The following FGR variants were observed in gnomAD, a reference collection of about 807,000 sequenced individuals.
The protein encoded by FGR is tyrosine-protein kinase Fgr.
A neutral mutation model predicts 63.2 loss-of-function variants in FGR; 26 were observed. That is an observed-to-expected ratio of 0.41 (90% CI 0.30 to 0.57). The LOEUF (loss-of-function observed/expected upper bound fraction) is 0.57, where lower values mean the gene tolerates loss of function less well. Ranked by LOEUF, FGR falls within the 20% of genes least tolerant of loss-of-function variation. The probability of loss-of-function intolerance (pLI) is 0.27; values close to 1 mark genes in which losing one functional copy is unlikely to be tolerated. For synonymous variants in FGR, 286 were observed against 277.7 expected (o/e 1.03, Z -0.30); for missense variants, 511 against 690.8 (o/e 0.74, Z 2.92).
At position 27,615,652 on chromosome 1, in the gene FGR, G is replaced by T; in HGVS notation, c.838+37C>A. 1 of 1,594,550 alleles carries T rather than the reference G, an allele frequency of 6.3e-7. No individual in the cohort carries two copies. The highest frequency in any genetic ancestry group is 8.6e-7 in the Non-Finnish European group (1 of 1,164,834). ...GTCTTGTCAGGACCCTCTCCCCCGAGCCCAGGCCCTCGTCCCGGCCCCCGG... is the reference window on the plus strand; with the variant it reads ...GTCTTGTCAGGACCCTCTCCCCCGATCCCAGGCCCTCGTCCCGGCCCCCGG... On this transcript the variant is annotated intron_variant, in intron 8 of 12. Coordinates refer to ENST00000374005, the MANE Select transcript of FGR (RefSeq NM_005248.3). This position sits in a 1 kb window ranked among gnomAD's most constrained non-coding sequence, Gnocchi z 7.6.
At chr1:27,620,841 T>G (rs2148527081) in intron 5 of FGR, among the ~76,000 whole-genome samples, 1 of 149,006 alleles carries the variant, frequency 6.7e-6, no homozygotes, top group Admixed American at 6.7e-5. Flanking sequence ...GCCTGGGCAA[T>G]ATGGCGAAAC....
intron 1 of FGR, among the ~76,000 whole-genome samples, chr1:27,632,128 C>T (rs2090114039): frequency 6.8e-6 from 1 of 147,842 alleles, no homozygotes; most frequent in African/African-American, 2.6e-5. Flanking sequence ...TGTTCTTCTT[C>T]TTCTTCTTCT....
intron 1 of FGR, among the ~76,000 whole-genome samples, chr1:27,632,488 T>C (rs2090119827): frequency 6.6e-6 from 1 of 152,102 alleles, no homozygotes; most frequent in Admixed American, 6.6e-5. Flanking sequence ...GCCTCGAAAC[T>C]GCCTCCTGAA....
chr1:27,630,255 G>A lies in FGR; in HGVS notation c.-77+4810C>T, dbSNP rs113243977. On this transcript the variant is annotated intron_variant, in intron 1 of 12. Coordinates refer to ENST00000374005, the MANE Select transcript of FGR (RefSeq NM_005248.3). ...TTTTGAGTAGAGACGGGGTTTCACC[G>A]TGTTAGCCCGGATGGTCTCGATCTC... Among the ~76,000 whole-genome samples, 326 of 152,166 alleles carry A rather than the reference G, an allele frequency of 2.1e-3. 1 individual carries two copies. Among genetic ancestry groups the A allele is most frequent in the Non-Finnish European group, 3.0e-3 (204 of 67,998 alleles).
chr1:27,616,970 G>T lies in FGR; in HGVS notation c.569C>A (p.Thr190Asn), dbSNP rs1428380626. 3.7e-6 allele frequency: 6 copies of T among 1,614,172 alleles called. No homozygotes were observed. The highest frequency in any genetic ancestry group is 4.2e-6 in the Non-Finnish European group (5 of 1,180,020). ...GTAATGCTTCACATGATCGCCTCTG[G>T]TCTGATCCCAGTCCCGGATGGACAG... Reference protein sequence around the residue: ...YSLSIRDWDQTRGDHVKHYKI... With the variant: ...YSLSIRDWDQNRGDHVKHYKI... The change falls in exon 7 of 13, where the codon ACC (threonine) becomes AAC (asparagine). Residue 190 changes from threonine (T) to asparagine (N), a missense_variant. Physicochemically the swap from Thr to Asn is moderately conservative, Grantham distance 65. Coordinates refer to ENST00000374005, the MANE Select transcript of FGR (RefSeq NM_005248.3). This position sits in a 1 kb window ranked among gnomAD's most constrained non-coding sequence, Gnocchi z 4.3.
At chr1:27,634,850 T>C (rs1451051968) in intron 1 of FGR, among the ~76,000 whole-genome samples, 2 of 151,828 alleles carry the variant, frequency 1.3e-5, no homozygotes, top group Non-Finnish European at 2.9e-5. Context: ...CCCTCCGCCC[T>C]CTCCTCCAGG....
chr1:27,623,948 C>G lies in FGR; in HGVS notation c.-13-19G>C. ...TTCCCTGCTACAGAATGGGGCATGC[C>G]TCACTCAAGGACCCCTGCCAGGTGC... On this transcript the variant is annotated intron_variant, in intron 2 of 12. Coordinates refer to ENST00000374005, the MANE Select transcript of FGR (RefSeq NM_005248.3). 6.4e-7 allele frequency: 1 copy of G among 1,552,792 alleles called. No individual in the cohort carries two copies.
Position 27,625,087 on chromosome 1 carries a change from A to G in FGR, c.-14+2T>C, listed in dbSNP as rs2089997546. The G allele has an allele frequency of 6.6e-6, 1 of 151,744 alleles. No homozygotes were observed. The highest frequency in any genetic ancestry group is 2.4e-5 in the African/African-American group (1 of 41,040). 9.4% of individuals were successfully genotyped at this position (151,744 alleles called of 1,614,324 possible). A position where few individuals can be genotyped will look rare whatever the true frequency, so the allele number is the denominator to read the frequency against. Reference sequence around the variant, plus strand: ...TGAAAGCCCTCAGTCTACCCCACTCACCCCTTAGGCCCCTACTCCTGGGTC... The same window carrying G: ...TGAAAGCCCTCAGTCTACCCCACTCGCCCCTTAGGCCCCTACTCCTGGGTC... On this transcript the variant is annotated splice_donor_variant, in intron 2 of 12. Transcript: ENST00000374005. LOFTEE classifies it low-confidence loss of function (5UTR_SPLICE).
intron 1 of FGR, chr1:27,626,280 G>A (rs146537543): frequency 2.3e-5 from 9 of 398,418 alleles, no homozygotes; most frequent in East Asian, 1.4e-4. Flanking sequence ...CCTAAGATGT[G>A]AGAATGGAGA....
At chr1:27,624,551 G>A (rs541706090) in intron 2 of FGR, among the ~76,000 whole-genome samples, 1 of 152,324 alleles carries the variant, frequency 6.6e-6, no homozygotes, top group South Asian at 2.1e-4. Flanking sequence ...GTTTGCCTGT[G>A]TGGGTATGCA....
chr1:27,626,603 G>C (rs983352088), intron 1 of FGR: 10 of 160,090 alleles, frequency 6.2e-5, no homozygotes, highest in African/African-American at 2.2e-4. Context: ...GTATTGGGTG[G>C]GGGTGGGGGC....
Position 27,613,347 on chromosome 1 carries a change from G to A in FGR, c.1253C>T (p.Ser418Phe). Residue 418 changes from serine (S) to phenylalanine (F), a missense_variant, in exon 12 of 13, where the codon TCC becomes TTC. Ser to Phe is a radical substitution (Grantham distance 155). Transcript: ENST00000374005. ...GGCTGTCCACTTGATGGGGAACTTG[G>A]AACCTGGAGAAGATGGGGGAGCAGG... ...KDDEYNPCQG[S>F]KFPIKWTAPE... The A allele has an allele frequency of 6.2e-7, 1 of 1,613,830 alleles. No homozygotes were observed.
intron 1 of FGR, among the ~76,000 whole-genome samples, chr1:27,633,789 T>C (rs1254010266): frequency 6.6e-6 from 1 of 152,080 alleles, no homozygotes; most frequent in African/African-American, 2.4e-5. Context: ...CCTCTGCATG[T>C]TTTTGAGAAG....
chr1:27,633,175 T>G (rs935092554), intron 1 of FGR, among the ~76,000 whole-genome samples: 1 of 152,006 alleles, frequency 6.6e-6, no homozygotes, highest in Non-Finnish European at 1.5e-5. Flanking sequence ...GGAGGGTACA[T>G]GAAACTTGGT....
intron 2 of FGR, among the ~76,000 whole-genome samples, chr1:27,624,270 C>A (rs2089982389): frequency 6.6e-6 from 1 of 152,184 alleles, no homozygotes; most frequent in African/African-American, 2.4e-5. Context: ...AGATCTCACT[C>A]TGTTGCCCAG....
rs2089808307 is a variant in FGR at position 27,616,177 on chromosome 1, G to T, written c.683-333C>A. 1.3e-5 allele frequency among the ~76,000 whole-genome samples: 2 copies of T among 152,176 alleles called. No individual in the cohort carries two copies. The highest frequency in any genetic ancestry group is 2.9e-5 in the Non-Finnish European group (2 of 68,030). ...AATGGGGTTGGGATTCCAGGCAAAG[G>T]TGTGGACATGAGGCCCACGGTCTTC... On this transcript the variant is annotated intron_variant, in intron 7 of 12. Transcript: ENST00000374005. This position sits in a 1 kb window ranked among gnomAD's most constrained non-coding sequence, Gnocchi z 4.3.
chr1:27,613,002 T>C lies in FGR; in HGVS notation c.1502A>G (p.Glu501Gly), dbSNP rs201375566. 2 of 1,614,036 alleles carry C rather than the reference T, an allele frequency of 1.2e-6. No homozygotes were observed. Among genetic ancestry groups the C allele is most frequent in the Non-Finnish European group, 1.7e-6 (2 of 1,180,022 alleles). ...CTGCAGGTACTCGAAGGTAGGCCTCTCCTCCGGGTCCAGACGCCAGGTCTG... is the reference window on the plus strand; with the variant it reads ...CTGCAGGTACTCGAAGGTAGGCCTCCCCTCCGGGTCCAGACGCCAGGTCTG... ...MEQTWRLDPE[E>G]RPTFEYLQSF... is the part of the protein sequence containing the mutation. Residue 501 changes from glutamate (E) to glycine (G), a missense_variant, in exon 13 of 13, where the codon GAG becomes GGG. Coordinates refer to ENST00000374005, the MANE Select transcript of FGR (RefSeq NM_005248.3).
chr1:27,634,147 G>T (rs980544704), intron 1 of FGR, among the ~76,000 whole-genome samples: 6 of 151,568 alleles, frequency 4.0e-5, no homozygotes, highest in Non-Finnish European at 7.4e-5. Context: ...AGCAAAGGGG[G>T]CTGCGCCCAC....
chr1:27,628,840 A>C (rs1230206078), intron 1 of FGR, among the ~76,000 whole-genome samples: 1 of 152,156 alleles, frequency 6.6e-6, no homozygotes, highest in East Asian at 1.9e-4. Context: ...CAGCAGGCAG[A>C]GGTAGGCAGC....
Sources: gnomAD v4.1 joint callset for allele counts (sites outside exome capture counted in the v4.1 genomes callset) on GRCh38, gnomAD v4.1.1 for gene constraint, Gnocchi (gnomAD v3.1) non-coding constraint, MANE v1.5 for transcripts, NCBI Gene and HGNC (gene_info 2026-07-23, HGNC 2026-07-21) for gene names.